Variants in TK1 observed in about 807,000 individuals in gnomAD.
TK1 encodes the protein thymidine kinase 1, also known as thymidine kinase, cytosolic.
In TK1, 13 loss-of-function variants were observed where a neutral mutation model predicts 22.4. That is an observed-to-expected ratio of 0.58 (90% CI 0.38 to 0.92). The LOEUF (loss-of-function observed/expected upper bound fraction) is 0.92. TK1 is among the 40% of genes least tolerant of loss of function. TK1 has a pLI of 0.00. For missense variants in TK1, 251 were observed against 315.7 expected, an observed-to-expected ratio of 0.80 and a Z score of 1.55; for synonymous variants, 134 against 125.4, an observed-to-expected ratio of 1.07 and a Z score of -0.46.
chr17:78,180,256 C>T (rs965808344), intron 4 of TK1, among the ~76,000 whole-genome samples: 1 of 152,228 alleles, frequency 6.6e-6, no homozygotes, highest in Admixed American at 6.5e-5. Flanking sequence ...CCAGCCAGGG[C>T]GACCTAAGCC....
intron 4 of TK1, among the ~76,000 whole-genome samples, chr17:78,176,006 A>G (rs1048055743): frequency 6.6e-6 from 1 of 152,218 alleles, no homozygotes; most frequent in Non-Finnish European, 1.5e-5. Flanking sequence ...AACGTCTCTG[A>G]ACCTGTTTCC....
chr17:78,186,835 G>A lies in TK1; in HGVS notation c.67-17C>T, dbSNP rs1194572013. The A allele has an allele frequency of 1.3e-6, 2 of 1,578,386 alleles. No individual in the cohort carries two copies. Among genetic ancestry groups the A allele is most frequent in the South Asian group, 1.2e-5 (1 of 85,862 alleles). ...GAGAATCACCTAGGAGAGAAGGTGAGGTCATTTGAGGGCCCGCCCTGCGCG... is the reference window on the plus strand; with the variant it reads ...GAGAATCACCTAGGAGAGAAGGTGAAGTCATTTGAGGGCCCGCCCTGCGCG... On this transcript the variant is annotated splice_polypyrimidine_tract_variant and intron_variant, in intron 1 of 6. Transcript: ENST00000301634.
At chr17:78,175,015 C>T in intron 6 of TK1, 35 bp downstream of exon 6, 1 of 1,611,056 alleles carries the variant, frequency 6.2e-7, no homozygotes, top group South Asian at 1.1e-5. Context: ...CATACCCCCA[C>T]CCCGCCGGCC....
At chr17:78,183,467 A>G (rs2075753614) in intron 3 of TK1, among the ~76,000 whole-genome samples, 1 of 152,146 alleles carries the variant, frequency 6.6e-6, no homozygotes, top group Admixed American at 6.6e-5. Flanking sequence ...CCAAGACGGG[A>G]GGATCACTTG....
At chr17:78,181,323 G>A (rs193276569) in intron 4 of TK1, among the ~76,000 whole-genome samples, 193 of 152,200 alleles carry the variant, frequency 1.3e-3, no homozygotes, top group African/African-American at 4.5e-3. Flanking sequence ...CAAGGCGGGT[G>A]GATCACCTGA....
intron 2 of TK1, among the ~76,000 whole-genome samples, chr17:78,186,467 G>A (rs1025924937): frequency 2.0e-5 from 3 of 152,022 alleles, no homozygotes; most frequent in Admixed American, 6.6e-5. Flanking sequence ...ACAACTGGTT[G>A]CCACCTTCTC....
In TK1 at chr17:78,187,039, T is replaced by C. The variant is rs779766765; in HGVS notation, c.-45A>G. On this transcript the variant is annotated 5_prime_UTR_variant, in exon 1 of 7. Transcript: ENST00000301634. ...CGAACCCGAGTACTCTCCAAGGCCG[T>C]CCCGCAGTAAGCCCCTGGTTCCCGC... 2.5e-6 allele frequency: 4 copies of C among 1,574,606 alleles called. No individual in the cohort carries two copies. In the Admixed American group the frequency reaches 5.3e-5, roughly 21 times the overall value.
intron 3 of TK1, among the ~76,000 whole-genome samples, chr17:78,183,231 C>G (rs1290358220): frequency 6.6e-6 from 1 of 152,158 alleles, no homozygotes; most frequent in African/African-American, 2.4e-5. Flanking sequence ...AACTCTTCCA[C>G]TGTTCAGGAG....
chr17:78,186,078 T>C (rs1018447911), intron 2 of TK1, among the ~76,000 whole-genome samples: 1 of 150,506 alleles, frequency 6.6e-6, no homozygotes. Context: ...TTGGGCAACA[T>C]AGCAAGACCC....
intron 3 of TK1, among the ~76,000 whole-genome samples, chr17:78,184,813 A>G (rs539950247): frequency 6.6e-6 from 1 of 152,276 alleles, no homozygotes; most frequent in East Asian, 1.9e-4. Flanking sequence ...TGCAACAACT[A>G]GAAATGTCTT....
intron 5 of TK1, 48 bp downstream of exon 5, chr17:78,175,481 C>T: frequency 1.9e-6 from 3 of 1,571,056 alleles, no homozygotes; most frequent in Non-Finnish European, 2.6e-6. Context: ...ATCCAGAAGC[C>T]TCTTGCCCTC....
At chr17:78,185,213 G>C (rs200779537) in intron 2 of TK1, 48 bp from the exon 3 acceptor site, 1 of 1,472,336 alleles carries the variant, frequency 6.8e-7, no homozygotes, top group Non-Finnish European at 9.5e-7. Flanking sequence ...GGAGGAGTGG[G>C]AGAAGGAGAC....
At chr17:78,178,764 C>G (rs2075718876) in intron 4 of TK1, among the ~76,000 whole-genome samples, 1 of 152,216 alleles carries the variant, frequency 6.6e-6, no homozygotes, top group Non-Finnish European at 1.5e-5. Flanking sequence ...CCTGCCTCAG[C>G]CTCCCAAGTA....
Position 78,179,685 on chromosome 17 carries a change from C to T in TK1, c.303+2904G>A, listed in dbSNP as rs192347171. On this transcript the variant is annotated intron_variant, in intron 4 of 6. Coordinates refer to ENST00000301634, the MANE Select transcript of TK1 (RefSeq NM_003258.5). ...TCCGGGCAGGGTATTCAGGCCAGAG[C>T]GGCCTGGCTCTGTGCTGGGAGGCAG... The T allele has an allele frequency of 6.7e-3, 6,605 of 985,430 alleles. 31 individuals carry two copies. Among genetic ancestry groups the T allele is most frequent in the Non-Finnish European group, 7.5e-3 (6,194 of 829,934 alleles). The allele number at this position is 985,430 out of a possible 1,614,324, so 61.0% of individuals were successfully genotyped here. A position where few individuals can be genotyped will look rare whatever the true frequency, so the allele number is the denominator to read the frequency against.
intron 2 of TK1, 21 bp downstream of exon 2, chr17:78,186,766 C>T: frequency 6.3e-7 from 1 of 1,577,740 alleles, no homozygotes; most frequent in Non-Finnish European, 8.6e-7. Flanking sequence ...GAGCTCCACC[C>T]CAGCCCCGCG....
intron 3 of TK1, 109 bp from the exon 4 acceptor site, chr17:78,182,791 C>T: frequency 1.4e-6 from 1 of 700,804 alleles, no homozygotes; most frequent in South Asian, 3.3e-5. Flanking sequence ...AAAGCAGGCT[C>T]AGTGTTCACC....
chr17:78,186,257 A>C (rs1288656305), intron 2 of TK1, among the ~76,000 whole-genome samples: 1 of 152,080 alleles, frequency 6.6e-6, no homozygotes, highest in African/African-American at 2.4e-5. Context: ...AAAACAAAAC[A>C]AAAAGAATGG....
At chr17:78,185,603 C>T (rs965091732) in intron 2 of TK1, among the ~76,000 whole-genome samples, 4 of 152,114 alleles carry the variant, frequency 2.6e-5, no homozygotes, top group African/African-American at 7.2e-5. Context: ...CAGCTCACTG[C>T]AACCCCTGCC....
rs767094873 is a variant in TK1, at chr17:78,185,142, C to T, written c.122G>A (p.Arg41His). 6.2e-6 allele frequency: 10 copies of T among 1,611,800 alleles called. No individual in the cohort carries two copies. The highest frequency in any genetic ancestry group is 5.4e-5 in the African/African-American group (4 of 74,120). ...GKSTELMRRVRRFQIAQYKCL... is the reference protein window; with the variant it reads ...GKSTELMRRVHRFQIAQYKCL... ...CTTGTACTGAGCAATCTGGAAGCGA[C>T]GGACGCGTCTCATCAACTCTGTGCT... is the stretch of plus-strand genomic sequence containing the variant. The change falls in exon 3 of 7, where the codon CGT (arginine) becomes CAT (histidine). Residue 41 changes from arginine (R) to histidine (H), a missense_variant. Physicochemically the swap from Arg to His is conservative, Grantham distance 29 (BLOSUM62 0). Transcript: ENST00000301634.
Sources: allele counts gnomAD v4.1 joint callset (sites outside exome capture counted in the v4.1 genomes callset), GRCh38; gene constraint gnomAD v4.1.1; transcripts MANE v1.5; gene names NCBI Gene and HGNC (gene_info 2026-07-23, HGNC 2026-07-21).